Variants in DOCK3 observed in about 807,000 individuals in gnomAD.
DOCK3 encodes the protein dedicator of cytokinesis 3, also known as dedicator of cytokinesis protein 3.
A neutral mutation model predicts 265.6 loss-of-function variants in DOCK3; 60 were observed. The observed-to-expected ratio is 0.23, with a 90% confidence interval of 0.18 to 0.28. The LOEUF (loss-of-function observed/expected upper bound fraction) is 0.28, where lower values mean the gene tolerates loss of function less well. Ranked by LOEUF, DOCK3 falls within the 10% of genes least tolerant of loss-of-function variation. The probability of loss-of-function intolerance (pLI) is 1.00; values close to 1 mark genes in which losing one functional copy is unlikely to be tolerated. For missense variants in DOCK3, 1,981 were observed against 2,594.3 expected, an observed-to-expected ratio of 0.76 and a Z score of 5.14; for synonymous variants, 881 against 938.0, an observed-to-expected ratio of 0.94 and a Z score of 1.11.
intron 9 of DOCK3, among the ~76,000 whole-genome samples, chr3:51,124,660 T>C (rs2084184458): frequency 6.6e-6 from 1 of 152,252 alleles, no homozygotes; most frequent in South Asian, 2.1e-4. Flanking sequence ...TAGAGAGATG[T>C]AGCTATTTTC....
intron 22 of DOCK3, among the ~76,000 whole-genome samples, chr3:51,249,030 G>A (rs1301292302): frequency 2.7e-5 from 4 of 150,374 alleles, no homozygotes; most frequent in African/African-American, 4.9e-5. Context: ...GAGCCTCTCC[G>A]CCCGGCAGCC....
chr3:50,831,607 A>C (rs2045178765), intron 2 of DOCK3, among the ~76,000 whole-genome samples: 2 of 152,064 alleles, frequency 1.3e-5, no homozygotes, highest in African/African-American at 4.8e-5. Context: ...TATGTACTAC[A>C]TTTTCTTTAT....
At chr3:51,336,087 A>G (rs2084851511) in intron 35 of DOCK3, among the ~76,000 whole-genome samples, 1 of 152,176 alleles carries the variant, frequency 6.6e-6, no homozygotes, top group Non-Finnish European at 1.5e-5. Context: ...TAATTGTTCA[A>G]AGTTTTAAAA....
intron 1 of DOCK3, among the ~76,000 whole-genome samples, chr3:50,745,614 G>A (rs1264943280): frequency 1.3e-5 from 2 of 152,122 alleles, no homozygotes; most frequent in Admixed American, 6.6e-5. Flanking sequence ...CGAACAAAAC[G>A]CATAACACTG....
In DOCK3 at chr3:51,083,962, C is replaced by T. The variant is rs563898054; in HGVS notation, c.550-5281C>T. On this transcript the variant is annotated intron_variant, in intron 7 of 52. Coordinates refer to ENST00000266037, the MANE Select transcript of DOCK3 (RefSeq NM_004947.5). ...TCACACCACTGTACTCCAGCCTGGGCGACAGAGCGAGACTCCATCTCAAAT... is the reference window on the plus strand; with the variant it reads ...TCACACCACTGTACTCCAGCCTGGGTGACAGAGCGAGACTCCATCTCAAAT... 8.2e-4 allele frequency among the ~76,000 whole-genome samples: 124 copies of T among 151,952 alleles called. 1 individual carries two copies. Among genetic ancestry groups the T allele is most frequent in the Admixed American group, 4.0e-3 (61 of 15,270 alleles).
Position 51,380,273 on chromosome 3 carries a change from C to T in DOCK3, c.5583+66C>T, listed in dbSNP as rs782767921. On this transcript the variant is annotated intron_variant, in intron 52 of 52. Coordinates refer to ENST00000266037, the MANE Select transcript of DOCK3 (RefSeq NM_004947.5). Reference sequence around the variant, plus strand: ...AGTCATCTCGTCTGCTCTAGAACCACCCTTGGGGTCTACAGGAGGAACTGG... The same window carrying T: ...AGTCATCTCGTCTGCTCTAGAACCATCCTTGGGGTCTACAGGAGGAACTGG... The T allele has an allele frequency of 6.8e-5, 99 of 1,450,600 alleles. No homozygotes were observed. In the Middle Eastern group the frequency reaches 8.8e-4, roughly 13 times the overall value. 89.9% of individuals were successfully genotyped at this position (1,450,600 alleles called of 1,614,324 possible). A position where few individuals can be genotyped will look rare whatever the true frequency, so the allele number is the denominator to read the frequency against.
chr3:50,919,212 C>T (rs528157465), intron 4 of DOCK3, among the ~76,000 whole-genome samples: 3 of 152,132 alleles, frequency 2.0e-5, no homozygotes, highest in Non-Finnish European at 4.4e-5. Flanking sequence ...CAGCTTTGTT[C>T]TTTTGGCTTA....
chr3:50,786,809 A>T, intron 2 of DOCK3: 2 of 741,294 alleles, frequency 2.7e-6, no homozygotes, highest in South Asian at 1.4e-5. Flanking sequence ...GTGGATGCTC[A>T]TGTGGGTGTG....
At chr3:51,262,433 A>C (rs1284714575) in intron 23 of DOCK3, among the ~76,000 whole-genome samples, 1 of 151,540 alleles carries the variant, frequency 6.6e-6, no homozygotes, top group Non-Finnish European at 1.5e-5. Context: ...CAAACACCAA[A>C]GGTAGATAAA....
intron 4 of DOCK3, chr3:50,901,735 A>T: frequency 2.2e-6 from 1 of 452,276 alleles, no homozygotes; most frequent in Non-Finnish European, 4.4e-6. Flanking sequence ...GAATTCCCTG[A>T]CCCTCTTGCT....
intron 9 of DOCK3, among the ~76,000 whole-genome samples, chr3:51,109,299 G>A (rs1243244367): frequency 6.6e-6 from 1 of 152,142 alleles, no homozygotes; most frequent in Admixed American, 6.6e-5. Flanking sequence ...TGAAATTAAG[G>A]TGGAAATCAA....
At chr3:51,293,301 A>G (rs1407500575) in intron 27 of DOCK3, among the ~76,000 whole-genome samples, 1 of 152,234 alleles carries the variant, frequency 6.6e-6, no homozygotes, top group Non-Finnish European at 1.5e-5. Context: ...AGAAGAGGAT[A>G]GTGAGCCCAG....
Position 51,312,593 on chromosome 3 carries a change from A to T in DOCK3, c.3194+17A>T, listed in dbSNP as rs754787921. ...TCTAGATAAGTAAGATAAACGTCTT[A>T]TATTCATCTCCTTACCACTTGGCCA... On this transcript the variant is annotated intron_variant, in intron 30 of 52. Transcript: ENST00000266037. 2 of 1,564,220 alleles carry T rather than the reference A, an allele frequency of 1.3e-6. No homozygotes were observed. The highest frequency in any genetic ancestry group is 1.7e-6 in the Non-Finnish European group (2 of 1,160,380).
chr3:51,032,795 C>A (rs1160318461), intron 5 of DOCK3, among the ~76,000 whole-genome samples: 1 of 151,894 alleles, frequency 6.6e-6, no homozygotes, highest in Non-Finnish European at 1.5e-5. Flanking sequence ...TCCTATAGTC[C>A]CAAGTACTTG....
chr3:51,329,374 CCAAT>C (rs2084367414), intron 32 of DOCK3, among the ~76,000 whole-genome samples: 1 of 152,152 alleles, frequency 6.6e-6, no homozygotes, highest in South Asian at 2.1e-4. Flanking sequence ...GGCACAGGTA[CCAAT>C]CAATCAACAA....
intron 6 of DOCK3, among the ~76,000 whole-genome samples, chr3:51,073,995 A>G (rs1206383543): frequency 6.6e-6 from 1 of 152,206 alleles, no homozygotes; most frequent in Non-Finnish European, 1.5e-5. Flanking sequence ...TTGGATGTGC[A>G]CCTGATTTTA....
chr3:50,998,755 G>T (rs538932048), intron 5 of DOCK3, among the ~76,000 whole-genome samples: 1 of 152,142 alleles, frequency 6.6e-6, no homozygotes, highest in African/African-American at 2.4e-5. Flanking sequence ...ATAAGCAAAG[G>T]ATTACTGAAA....
intron 23 of DOCK3, among the ~76,000 whole-genome samples, chr3:51,262,636 T>C (rs1307640162): frequency 2.0e-5 from 3 of 152,278 alleles, no homozygotes; most frequent in East Asian, 3.9e-4. Flanking sequence ...TAAAGGAGCA[T>C]GTTCTAACCC....
At chr3:51,332,352 G>T (rs2084580402) in intron 33 of DOCK3, among the ~76,000 whole-genome samples, 2 of 152,238 alleles carry the variant, frequency 1.3e-5, no homozygotes, top group Admixed American at 6.5e-5. Flanking sequence ...GCCAGGGGCT[G>T]CCCTGAGGTA....
Sources: gnomAD v4.1 joint callset for allele counts (sites outside exome capture counted in the v4.1 genomes callset) on GRCh38, gnomAD v4.1.1 for gene constraint, MANE v1.5 for transcripts, NCBI Gene and HGNC (gene_info 2026-07-23, HGNC 2026-07-21) for gene names.